Variants in MTUS2 observed in about 807,000 individuals in gnomAD.
The protein encoded by MTUS2 is microtubule associated scaffold protein 2.
MTUS2 carries 40 observed loss-of-function variants against 114.1 expected under a neutral mutation model. That is an observed-to-expected ratio of 0.35 (90% CI 0.27 to 0.46). MTUS2 has a LOEUF of 0.46. MTUS2 is among the 20% of genes least tolerant of loss of function. The probability of loss-of-function intolerance (pLI) is 1.00; values close to 1 mark genes in which losing one functional copy is unlikely to be tolerated. For synonymous variants in MTUS2, 688 were observed against 672.0 expected, an observed-to-expected ratio of 1.02 and a Z score of -0.37; for missense variants, 1,679 against 1,705.4, an observed-to-expected ratio of 0.98 and a Z score of 0.27.
intron 5 of MTUS2, among the ~76,000 whole-genome samples, chr13:29,256,093 G>T (rs899964595): frequency 2.0e-5 from 3 of 152,182 alleles, no homozygotes; most frequent in Non-Finnish European, 2.9e-5. Context: ...GGCCCCAGGC[G>T]GTATGACAGT....
At chr13:29,134,329 C>T (rs984005415) in intron 5 of MTUS2, among the ~76,000 whole-genome samples, 1 of 152,044 alleles carries the variant, frequency 6.6e-6, no homozygotes, top group Non-Finnish European at 1.5e-5. Context: ...TTCCCATGTG[C>T]ACTTGAAAAG....
intron 2 of MTUS2, among the ~76,000 whole-genome samples, chr13:28,862,614 C>G (rs573372454): frequency 1.2e-3 from 181 of 152,274 alleles, no homozygotes; most frequent in African/African-American, 4.0e-3. Flanking sequence ...GACTCCCACT[C>G]AAAAACCAAA....
chr13:29,036,875 T>C (rs2479759), intron 4 of MTUS2, among the ~76,000 whole-genome samples: 144,599 of 151,316 alleles, frequency 0.96, 69,200 homozygotes, highest in South Asian at 0.98. Flanking sequence ...AATATTCCTC[T>C]GTCCCTTTAT....
intron 8 of MTUS2, among the ~76,000 whole-genome samples, chr13:29,376,821 A>G (rs1566164768): frequency 6.6e-6 from 1 of 152,194 alleles, no homozygotes. Flanking sequence ...AAAGATTGTC[A>G]TAGTATGTGT....
chr13:29,455,506 A>G (rs1210828478), intron 9 of MTUS2, among the ~76,000 whole-genome samples: 1 of 152,230 alleles, frequency 6.6e-6, no homozygotes, highest in African/African-American at 2.4e-5. Context: ...CATGTGTGAC[A>G]GAATCAAAGG....
At chr13:29,327,247 A>G (rs959544898) in intron 7 of MTUS2, among the ~76,000 whole-genome samples, 17 of 152,226 alleles carry the variant, frequency 1.1e-4, no homozygotes, top group Non-Finnish European at 2.1e-4. Context: ...AATAATGAAC[A>G]AATACTAAAC....
At chr13:29,108,154 A>G (rs1311987525) in intron 5 of MTUS2, among the ~76,000 whole-genome samples, 1 of 152,240 alleles carries the variant, frequency 6.6e-6, no homozygotes, top group African/African-American at 2.4e-5. Flanking sequence ...TAACTTACAG[A>G]AACAGCCATT....
chr13:29,012,542 A>G (rs528936358), intron 2 of MTUS2, among the ~76,000 whole-genome samples: 98 of 152,334 alleles, frequency 6.4e-4, no homozygotes, highest in South Asian at 8.3e-4. Context: ...TTACAGTGCT[A>G]TATTAATAGG....
intron 5 of MTUS2, among the ~76,000 whole-genome samples, chr13:29,174,746 T>G (rs1893701921): frequency 6.6e-6 from 1 of 152,200 alleles, no homozygotes; most frequent in Non-Finnish European, 1.5e-5. Context: ...ATTATAACAC[T>G]TGGGTGGAAT....
At position 29,195,399 on chromosome 13, in the gene MTUS2, AT is replaced by A. The variant is rs990066362; in HGVS notation, c.2645-86299del. Among the ~76,000 whole-genome samples the A allele has an allele frequency of 2.0e-5, 3 of 151,976 alleles. No individual in the cohort carries two copies. The East Asian group carries it at 5.8e-4, about 29-fold the overall frequency. ...TTAACATTTTGGTATATTTTCCTCC[AT>A]TTTTTCTGTGCACATGAATGTATTA... On this transcript the variant is annotated intron_variant, in intron 5 of 15. Transcript: ENST00000612955.
chr13:29,251,917 G>C (rs1897136694), intron 5 of MTUS2, among the ~76,000 whole-genome samples: 3 of 152,140 alleles, frequency 2.0e-5, no homozygotes. Context: ...ATATCTATTT[G>C]AGTCCCTGCT....
At chr13:29,041,058 G>C (rs918331924) in intron 4 of MTUS2, among the ~76,000 whole-genome samples, 1 of 152,008 alleles carries the variant, frequency 6.6e-6, no homozygotes, top group African/African-American at 2.4e-5. Flanking sequence ...GGGTTTTTCC[G>C]ATGTTATCTT....
At chr13:29,300,530 C>T (rs1428005595) in intron 6 of MTUS2, among the ~76,000 whole-genome samples, 1 of 151,946 alleles carries the variant, frequency 6.6e-6, no homozygotes, top group Non-Finnish European at 1.5e-5. Flanking sequence ...CAAATTGCTA[C>T]CATCATATGG....
chr13:28,844,850 C>G (rs545637008), intron 2 of MTUS2, among the ~76,000 whole-genome samples: 1 of 152,202 alleles, frequency 6.6e-6, no homozygotes, highest in South Asian at 2.1e-4. Context: ...AACTCGAGCT[C>G]AGGAGATCTG....
At position 29,003,315 on chromosome 13, in the gene MTUS2, A is replaced by G. The variant is rs78443285; in HGVS notation, c.-242-21142A>G. Among the ~76,000 whole-genome samples the G allele has an allele frequency of 2.3e-4, 35 of 152,352 alleles. No homozygotes were observed. In the East Asian group the frequency reaches 6.4e-3, roughly 28 times the overall value. ...GGCAGAACTGAGGCACAGATAGATCAAGTAACCAGCTCAAGTGCATCCAGC... is the reference window on the plus strand; with the variant it reads ...GGCAGAACTGAGGCACAGATAGATCGAGTAACCAGCTCAAGTGCATCCAGC... On this transcript the variant is annotated intron_variant, in intron 2 of 15. Transcript: ENST00000612955.
At chr13:29,099,908 CTT>C (rs1293931554) in intron 4 of MTUS2, among the ~76,000 whole-genome samples, 2 of 152,132 alleles carry the variant, frequency 1.3e-5, no homozygotes, top group Non-Finnish European at 2.9e-5. Context: ...CTGGCTCAGA[CTT>C]AGAGTATGGG....
At chr13:29,142,528 C>A (rs570911370) in intron 5 of MTUS2, among the ~76,000 whole-genome samples, 1 of 151,876 alleles carries the variant, frequency 6.6e-6, no homozygotes, top group African/African-American at 2.4e-5. Context: ...ACATGGTGAA[C>A]CCCCGTCTCT....
chr13:29,236,843 A>G (rs953876441), intron 5 of MTUS2, among the ~76,000 whole-genome samples: 23 of 152,322 alleles, frequency 1.5e-4, no homozygotes, highest in African/African-American at 4.8e-4. Flanking sequence ...CTATGGATCT[A>G]TTTTTAATAT....
At chr13:29,215,661 G>T (rs1174723245) in intron 5 of MTUS2, among the ~76,000 whole-genome samples, 1 of 152,048 alleles carries the variant, frequency 6.6e-6, no homozygotes, top group African/African-American at 2.4e-5. Context: ...GGAATTTGCT[G>T]GAGGTCTACT....
Sources: allele counts gnomAD v4.1 joint callset (sites outside exome capture counted in the v4.1 genomes callset), GRCh38; gene constraint gnomAD v4.1.1; transcripts MANE v1.5; gene names NCBI Gene and HGNC (gene_info 2026-07-23, HGNC 2026-07-21).